Variants in AKAP13 observed in about 807,000 individuals in gnomAD.
The protein encoded by AKAP13 is A-kinase anchoring protein 13.
Under a neutral mutation model 264.5 loss-of-function variants are expected in AKAP13, and 80 were observed. The observed-to-expected ratio is 0.30, with a 90% CI of 0.25 to 0.36. The LOEUF (loss-of-function observed/expected upper bound fraction) is 0.36. Among genes scored for constraint, AKAP13 ranks in the 10% least tolerant of loss-of-function variants. The probability of loss-of-function intolerance (pLI) is 1.00; values close to 1 mark genes in which losing one functional copy is unlikely to be tolerated. For synonymous variants in AKAP13, 1,380 were observed against 1,250.2 expected, an observed-to-expected ratio of 1.10 and a Z score of -2.19; for missense variants, 3,712 against 3,435.2, an observed-to-expected ratio of 1.08 and a Z score of -2.01.
rs1409554556 is a variant in AKAP13, at chr15:85,581,078, C to G, written c.3010C>G (p.Gln1004Glu). ...ETEHNKEVAP[Q>E]VSLLTQGGAA... The stretch of plus-strand genomic sequence containing the variant: ...TGAACATAACAAGGAAGTGGCCCCA[C>G]AAGTCTCACTGCTGACTCAAGGTGG... Residue 1004 changes from glutamine to glutamate, a missense_variant, in exon 7 of 37, where the codon CAA becomes GAA. This residue lies in a region of AKAP13 where 2,759 missense variants were observed against 2,411.7 expected (regional missense o/e 1.14). Coordinates refer to ENST00000394518, the MANE Select transcript of AKAP13 (RefSeq NM_007200.5). 1.2e-6 allele frequency: 2 copies of G among 1,614,058 alleles called. No homozygotes were observed. The highest frequency in any genetic ancestry group is 2.2e-5 in the East Asian group (1 of 44,868).
intron 7 of AKAP13, among the ~76,000 whole-genome samples, chr15:85,585,392 T>C (rs565532714): frequency 1.4e-4 from 21 of 152,352 alleles, no homozygotes; most frequent in South Asian, 8.3e-4. Flanking sequence ...GTTTTCCATA[T>C]GCAAGTTGGT....
At chr15:85,443,059 A>G (rs921928687) in intron 1 of AKAP13, among the ~76,000 whole-genome samples, 1 of 152,186 alleles carries the variant, frequency 6.6e-6, no homozygotes, top group Non-Finnish European at 1.5e-5. Flanking sequence ...AAGTTGGGGA[A>G]AACTTAAGTA....
At chr15:85,403,810 C>T (rs2071539386) in intron 1 of AKAP13, among the ~76,000 whole-genome samples, 1 of 149,050 alleles carries the variant, frequency 6.7e-6, no homozygotes, top group East Asian at 2.0e-4. Flanking sequence ...ACCACACCAT[C>T]GCATGCCATC....
intron 1 of AKAP13, among the ~76,000 whole-genome samples, chr15:85,459,292 T>C (rs2074411871): frequency 6.6e-6 from 1 of 151,722 alleles, no homozygotes; most frequent in South Asian, 2.1e-4. Flanking sequence ...TTCAAAAGAT[T>C]ATCCTGCCTC....
intron 1 of AKAP13, among the ~76,000 whole-genome samples, chr15:85,458,138 C>CA (rs368519731): frequency 0.35 from 39,068 of 110,320 alleles, 8,060 homozygotes; most frequent in African/African-American, 0.62. Flanking sequence ...GACTCCATCT[C>CA]AAAAAAAAAA....
intron 1 of AKAP13, among the ~76,000 whole-genome samples, chr15:85,431,672 TC>T (rs1297549982): frequency 1.3e-5 from 2 of 152,176 alleles, no homozygotes; most frequent in Admixed American, 6.5e-5. Flanking sequence ...AGTCAACTCT[TC>T]CCAGCTTTTA....
At chr15:85,632,211 A>G (rs766655523) in intron 8 of AKAP13, among the ~76,000 whole-genome samples, 3 of 152,164 alleles carry the variant, frequency 2.0e-5, no homozygotes, top group African/African-American at 7.2e-5. Context: ...TACTCATTGC[A>G]TAGCCAGCAG....
chr15:85,555,644 A>T (rs971927182), intron 5 of AKAP13, among the ~76,000 whole-genome samples: 1 of 152,172 alleles, frequency 6.6e-6, no homozygotes, highest in Non-Finnish European at 1.5e-5. Flanking sequence ...TCTTCTCTGC[A>T]GTTAAGTTAA....
At chr15:85,543,570 T>A (rs1173973892) in intron 4 of AKAP13, among the ~76,000 whole-genome samples, 2 of 152,344 alleles carry the variant, frequency 1.3e-5, no homozygotes, top group East Asian at 3.9e-4. Flanking sequence ...ATACTTTCTA[T>A]GCTTTTGTAG....
intron 5 of AKAP13, among the ~76,000 whole-genome samples, chr15:85,545,243 G>GAGGC (rs1299812956): frequency 8.5e-5 from 13 of 152,218 alleles, no homozygotes; most frequent in Non-Finnish European, 1.3e-4. Context: ...CTCAGGAAGA[G>GAGGC]AGGCCTTGTT....
chr15:85,613,699 T>A (rs1310464006), intron 8 of AKAP13, among the ~76,000 whole-genome samples: 3 of 121,308 alleles, frequency 2.5e-5, no homozygotes, highest in Non-Finnish European at 5.4e-5. Context: ...AAAATATATA[T>A]ATATATATAT....
chr15:85,439,194 A>T (rs1164514124), intron 1 of AKAP13, among the ~76,000 whole-genome samples: 6 of 152,000 alleles, frequency 3.9e-5, no homozygotes, highest in Non-Finnish European at 5.9e-5. Context: ...GAAGACATTT[A>T]TGCAGCCAAA....
At chr15:85,601,529 T>A (rs2080070589) in intron 8 of AKAP13, among the ~76,000 whole-genome samples, 1 of 152,016 alleles carries the variant, frequency 6.6e-6, no homozygotes, top group Non-Finnish European at 1.5e-5. Context: ...TTTTTTTCTC[T>A]GAGACAGTAA....
intron 5 of AKAP13, among the ~76,000 whole-genome samples, chr15:85,567,075 T>G (rs1376867278): frequency 6.6e-6 from 1 of 152,152 alleles, no homozygotes; most frequent in Non-Finnish European, 1.5e-5. Context: ...ATTGTAACTT[T>G]TAAAATATTT....
chr15:85,685,600 C>T (rs2084865866), intron 16 of AKAP13, among the ~76,000 whole-genome samples: 2 of 151,984 alleles, frequency 1.3e-5, no homozygotes, highest in African/African-American at 2.4e-5. Context: ...TTTCCTGCCT[C>T]GCACCGTAGC....
chr15:85,609,029 G>T (rs983943017), intron 8 of AKAP13, among the ~76,000 whole-genome samples: 2 of 152,148 alleles, frequency 1.3e-5, no homozygotes, highest in Admixed American at 6.5e-5. Context: ...ATGGAGTACA[G>T]TGTGATATTT....
chr15:85,505,528 T>G (rs2076193520), intron 2 of AKAP13, among the ~76,000 whole-genome samples: 1 of 152,218 alleles, frequency 6.6e-6, no homozygotes, highest in African/African-American at 2.4e-5. Context: ...GGCAAAAGAT[T>G]AGCCTAGTTT....
At chr15:85,703,491 C>T (rs1469332563) in intron 17 of AKAP13, among the ~76,000 whole-genome samples, 2 of 152,172 alleles carry the variant, frequency 1.3e-5, no homozygotes, top group African/African-American at 4.8e-5. Flanking sequence ...ATCTCACATG[C>T]CTTTTGCATA....
chr15:85,735,294 A>G (rs2088368244), intron 31 of AKAP13, 144 bp downstream of exon 31: 8 of 1,166,184 alleles, frequency 6.9e-6, no homozygotes, highest in Non-Finnish European at 8.3e-6. Context: ...AGAGCTTGTC[A>G]GTCAGACTCA....
Sources: gnomAD v4.1 joint callset for allele counts (sites outside exome capture counted in the v4.1 genomes callset) on GRCh38, gnomAD v4.1.1 for gene constraint, gnomAD v4.1.1 regional missense constraint, MANE v1.5 for transcripts, NCBI Gene and HGNC (gene_info 2026-07-23, HGNC 2026-07-21) for gene names.